The following CTTNBP2 variants were observed in gnomAD, a reference collection of about 807,000 sequenced individuals.
CTTNBP2 encodes the protein cortactin binding protein 2.
CTTNBP2 carries 108 observed loss-of-function variants against 156.9 expected under a neutral mutation model. The ratio of observed to expected loss-of-function variants is 0.69; its 90% CI spans 0.59 to 0.81. The LOEUF (loss-of-function observed/expected upper bound fraction) is 0.81, where lower values mean the gene tolerates loss of function less well. Among genes scored for constraint, CTTNBP2 ranks in the 30% least tolerant of loss-of-function variants. The pLI is 0.00. For synonymous variants in CTTNBP2, 767 were observed against 751.8 expected, an observed-to-expected ratio of 1.02 and a Z score of -0.33; for missense variants, 1,924 against 2,035.4, an observed-to-expected ratio of 0.95 and a Z score of 1.05.
At chr7:117,863,088 G>A (rs1303486844) in intron 1 of CTTNBP2, among the ~76,000 whole-genome samples, 2 of 152,138 alleles carry the variant, frequency 1.3e-5, no homozygotes, top group Non-Finnish European at 2.9e-5. Context: ...CTTTCAAACA[G>A]GCATGACCAG....
At chr7:117,761,981 T>C (rs886108065) in intron 9 of CTTNBP2, among the ~76,000 whole-genome samples, 6 of 152,206 alleles carry the variant, frequency 3.9e-5, no homozygotes, top group African/African-American at 1.4e-4. Flanking sequence ...ATCTTACTTA[T>C]CCACAGTATC....
chr7:117,785,673 G>T (rs534395722), intron 4 of CTTNBP2, among the ~76,000 whole-genome samples: 1 of 152,256 alleles, frequency 6.6e-6, no homozygotes, highest in East Asian at 1.9e-4. Flanking sequence ...TTTACTAGCT[G>T]CAGTAAAATT....
intron 3 of CTTNBP2, among the ~76,000 whole-genome samples, chr7:117,798,561 A>C (rs1799446077): frequency 6.6e-6 from 1 of 152,140 alleles, no homozygotes; most frequent in Non-Finnish European, 1.5e-5. Context: ...AGCATACCAA[A>C]ATTTGTGGGA....
chr7:117,727,885 C>T (rs553268578), intron 17 of CTTNBP2, among the ~76,000 whole-genome samples: 1 of 152,222 alleles, frequency 6.6e-6, no homozygotes, highest in East Asian at 1.9e-4. Context: ...GAGGAAAAAC[C>T]TAGCTCTCAG....
chr7:117,745,814 T>A lies in CTTNBP2; in HGVS notation c.3535+17A>T, dbSNP rs760187657. The A allele has an allele frequency of 6.4e-7, 1 of 1,573,886 alleles. No homozygotes were observed. Among genetic ancestry groups the A allele is most frequent in the South Asian group, 1.1e-5 (1 of 89,996 alleles). ...TGCCTTTAGGTTATCACAGGCAATT[T>A]GCTGAAATGTTCTTACCGCTACTAA... is the stretch of plus-strand genomic sequence containing the variant. On this transcript the variant is annotated intron_variant, in intron 14 of 22. Coordinates refer to ENST00000160373, the MANE Select transcript of CTTNBP2 (RefSeq NM_033427.3).
intron 8 of CTTNBP2, 122 bp downstream of exon 8, chr7:117,777,389 C>T: frequency 2.1e-6 from 2 of 970,672 alleles, no homozygotes; most frequent in Non-Finnish European, 3.1e-6. Flanking sequence ...TGGTAAATAA[C>T]ATCTGCAATT....
At chr7:117,713,040 G>A (rs1404557333) in intron 22 of CTTNBP2, among the ~76,000 whole-genome samples, 1 of 152,192 alleles carries the variant, frequency 6.6e-6, no homozygotes, top group African/African-American at 2.4e-5. Flanking sequence ...GATTCTCATA[G>A]TAGTACAAAC....
chr7:117,734,829 G>T (rs1202245490), intron 16 of CTTNBP2, 84 bp downstream of exon 16: 8 of 1,071,788 alleles, frequency 7.5e-6, no homozygotes, highest in East Asian at 2.6e-5. Context: ...TGCATAGTTA[G>T]TGAGTGGTGG....
intron 8 of CTTNBP2, among the ~76,000 whole-genome samples, chr7:117,772,852 G>A (rs1465380686): frequency 6.6e-6 from 1 of 152,160 alleles, no homozygotes; most frequent in Admixed American, 6.5e-5. Flanking sequence ...GATGGCCCAT[G>A]TCTTGGATGA....
chr7:117,796,848 T>C (rs546575827), intron 3 of CTTNBP2, among the ~76,000 whole-genome samples: 3 of 152,218 alleles, frequency 2.0e-5, no homozygotes, highest in Non-Finnish European at 4.4e-5. Context: ...TTATGAAATA[T>C]ATCAGAGAAA....
chr7:117,724,938 C>T, intron 18 of CTTNBP2, 114 bp downstream of exon 18: 1 of 1,100,940 alleles, frequency 9.1e-7, no homozygotes, highest in Non-Finnish European at 1.3e-6. Flanking sequence ...TGGAACACTG[C>T]TATAAGATGT....
chr7:117,724,740 A>G lies in CTTNBP2; in HGVS notation c.4262-8T>C. On this transcript the variant is annotated splice_polypyrimidine_tract_variant and splice_region_variant and intron_variant, in intron 18 of 22. Transcript: ENST00000160373. The stretch of plus-strand genomic sequence containing the variant: ...CTGTATGCTGGTCTAGCTCTGAAAC[A>G]ACACAAATCACAGCAGGGATAATGC... 2 of 1,613,390 alleles carry G rather than the reference A, an allele frequency of 1.2e-6. No individual in the cohort carries two copies. The highest frequency in any genetic ancestry group is 1.7e-6 in the Non-Finnish European group (2 of 1,179,858).
chr7:117,798,757 TAGAG>T (rs1229606243), intron 3 of CTTNBP2, among the ~76,000 whole-genome samples: 19 of 151,944 alleles, frequency 1.3e-4, no homozygotes, highest in African/African-American at 4.3e-4. Context: ...AAATAAATGA[TAGAG>T]AAATTAACAA....
At chr7:117,732,935 T>A (rs980133140) in intron 16 of CTTNBP2, among the ~76,000 whole-genome samples, 2 of 152,212 alleles carry the variant, frequency 1.3e-5, no homozygotes, top group Admixed American at 6.5e-5. Context: ...GATCATTATA[T>A]AACTCTTTTA....
At chr7:117,728,871 C>A (rs956673716) in intron 16 of CTTNBP2, among the ~76,000 whole-genome samples, 10 of 152,296 alleles carry the variant, frequency 6.6e-5, no homozygotes, top group Admixed American at 3.3e-4. Context: ...ATTCAGTAAT[C>A]ACTATTAAGC....
At chr7:117,786,986 T>C (rs1476734623) in intron 4 of CTTNBP2, among the ~76,000 whole-genome samples, 1 of 152,182 alleles carries the variant, frequency 6.6e-6, no homozygotes, top group Admixed American at 6.5e-5. Flanking sequence ...TTTTAAAATC[T>C]TTACAAAAGA....
In CTTNBP2 at chr7:117,717,871, T is replaced by C. The variant is rs1454920688; in HGVS notation, c.4746+147A>G. On this transcript the variant is annotated intron_variant, in intron 22 of 22. Transcript: ENST00000160373. The stretch of plus-strand genomic sequence containing the variant: ...TTCTATAAGTACTCTTTCTAAAACC[T>C]AATGAACACTTTTACCTTTATCCTA... The C allele has an allele frequency of 7.3e-6, 4 of 549,618 alleles. No homozygotes were observed. In the African/African-American group the frequency reaches 7.7e-5, roughly 11 times the overall value. The allele number at this position is 549,618 out of a possible 1,614,324, so 34.0% of individuals were successfully genotyped here.
chr7:117,829,350 T>C (rs1374276400), intron 2 of CTTNBP2, among the ~76,000 whole-genome samples: 2 of 152,248 alleles, frequency 1.3e-5, no homozygotes, highest in Non-Finnish European at 2.9e-5. Context: ...AGGATGAGAC[T>C]AAGGTCCTCA....
At chr7:117,828,555 T>A (rs779241490) in intron 2 of CTTNBP2, among the ~76,000 whole-genome samples, 3 of 152,182 alleles carry the variant, frequency 2.0e-5, no homozygotes, top group Non-Finnish European at 4.4e-5. Flanking sequence ...GTAGGTAATG[T>A]ATGAACTGCT....
Sources: gnomAD v4.1 joint callset for allele counts (sites outside exome capture counted in the v4.1 genomes callset) on GRCh38, gnomAD v4.1.1 for gene constraint, MANE v1.5 for transcripts, NCBI Gene and HGNC (gene_info 2026-07-23, HGNC 2026-07-21) for gene names.